Variants in CA5A observed in about 807,000 individuals in gnomAD.
CA5A encodes the protein carbonic anhydrase 5A, mitochondrial.
CA5A carries 28 observed loss-of-function variants against 37.1 expected under a neutral mutation model. That is an observed-to-expected ratio of 0.75 (90% CI 0.56 to 1.03). The LOEUF is 1.03. CA5A is among the 50% of genes least tolerant of loss of function. CA5A has a pLI of 0.00. For synonymous variants in CA5A, 171 were observed against 158.4 expected (o/e 1.08, Z -0.60); for missense variants, 444 against 399.9 (o/e 1.11, Z -0.94).
At chr16:87,898,647 C>A (rs560201336) in intron 5 of CA5A, among the ~76,000 whole-genome samples, 236 of 152,088 alleles carry the variant, frequency 1.6e-3, no homozygotes, top group Non-Finnish European at 2.6e-3. Context: ...CACAGCTGGG[C>A]CTTAAACTCA....
At chr16:87,929,748 T>A (rs184577553) in intron 1 of CA5A, among the ~76,000 whole-genome samples, 7 of 151,444 alleles carry the variant, frequency 4.6e-5, no homozygotes, top group African/African-American at 1.7e-4. Flanking sequence ...GGCGGGCGCC[T>A]GTAGTCCCAG....
At chr16:87,891,563 T>C (rs1290595013) in intron 6 of CA5A, among the ~76,000 whole-genome samples, 1 of 152,032 alleles carries the variant, frequency 6.6e-6, no homozygotes, top group Non-Finnish European at 1.5e-5. Context: ...CGTGTGTCTG[T>C]GTGTGATAGA....
At chr16:87,920,759 C>T (rs1301971996) in intron 2 of CA5A, among the ~76,000 whole-genome samples, 2 of 152,120 alleles carry the variant, frequency 1.3e-5, no homozygotes, top group Admixed American at 6.5e-5. Context: ...GCTGGGATTA[C>T]AGGTGCTTGC....
At chr16:87,883,773 A>C (rs1344357344), downstream of CA5A, 3 of 151,238 alleles carry the variant, frequency 2.0e-5, no homozygotes, top group Non-Finnish European at 4.4e-5. Context: ...AGTAGCTGGG[A>C]TTACAGGTGC....
intron 5 of CA5A, among the ~76,000 whole-genome samples, chr16:87,894,198 A>G (rs8060662): frequency 0.23 from 34,108 of 151,084 alleles, 4,268 homozygotes; most frequent in African/African-American, 0.33. Context: ...GCATGATCTC[A>G]GCTCACGGTG....
chr16:87,935,861 G>A (rs527687312), intron 1 of CA5A, among the ~76,000 whole-genome samples: 6 of 151,316 alleles, frequency 4.0e-5, no homozygotes, highest in East Asian at 3.9e-4. Flanking sequence ...GGGCAAAAGA[G>A]CAAAACTTCA....
intron 3 of CA5A, among the ~76,000 whole-genome samples, chr16:87,903,746 A>G (rs1375240690): frequency 6.6e-6 from 1 of 152,218 alleles, no homozygotes; most frequent in Non-Finnish European, 1.5e-5. Flanking sequence ...TTCAAAAAAC[A>G]GAAAGAGTCC....
At chr16:87,889,317 G>C (rs1258458942) in intron 6 of CA5A, among the ~76,000 whole-genome samples, 1 of 152,050 alleles carries the variant, frequency 6.6e-6, no homozygotes, top group African/African-American at 2.4e-5. Flanking sequence ...GGCCCCCAAA[G>C]TGCTGGGATT....
chr16:87,892,548 AT>A lies in CA5A; in HGVS notation c.619-595del, dbSNP rs1237504094. Among the ~76,000 whole-genome samples, 14 of 136,866 alleles carry A rather than the reference AT, an allele frequency of 1.0e-4. No individual in the cohort carries two copies. In the East Asian group the frequency reaches 1.2e-3, roughly 12 times the overall value. The allele number at this position is 136,866 out of a possible 152,430, so 89.8% of individuals were successfully genotyped here. A position where few individuals can be genotyped will look rare whatever the true frequency, so the allele number is the denominator to read the frequency against. On this transcript the variant is annotated intron_variant, in intron 5 of 6. Transcript: ENST00000649794. ...AATAATAATAATAATAATAATAATA[AT>A]AATAATAAATTAATTAATAATAAAA...
intron 1 of CA5A, among the ~76,000 whole-genome samples, chr16:87,931,728 T>G (rs191421069): frequency 5.9e-5 from 9 of 152,268 alleles, no homozygotes; most frequent in African/African-American, 1.9e-4. Flanking sequence ...CAGAACTCGC[T>G]AAGTGCCGGA....
chr16:87,903,605 A>G (rs371925744), intron 3 of CA5A, among the ~76,000 whole-genome samples: 6 of 152,230 alleles, frequency 3.9e-5, no homozygotes, highest in African/African-American at 1.4e-4. Flanking sequence ...ATGACAATAG[A>G]TATCACTCCC....
chr16:87,919,019 G>A (rs2056194030), intron 2 of CA5A, among the ~76,000 whole-genome samples: 1 of 152,214 alleles, frequency 6.6e-6, no homozygotes, highest in African/African-American at 2.4e-5. Context: ...GCCAAAGGAG[G>A]GATGACCCAG....
At chr16:87,892,376 G>A (rs1352389777) in intron 5 of CA5A, 1 of 152,660 alleles carries the variant, frequency 6.6e-6, no homozygotes, top group Non-Finnish European at 1.5e-5. Flanking sequence ...CAGATGTGGT[G>A]GTGGGCGCCT....
chr16:87,907,918 C>G (rs927129377), intron 2 of CA5A, among the ~76,000 whole-genome samples: 1 of 152,206 alleles, frequency 6.6e-6, no homozygotes, highest in Non-Finnish European at 1.5e-5. Flanking sequence ...AAGAGTGAAA[C>G]TCCGTCTCAA....
At chr16:87,918,616 G>A (rs10451143) in intron 2 of CA5A, among the ~76,000 whole-genome samples, 3 of 152,300 alleles carry the variant, frequency 2.0e-5, no homozygotes, top group African/African-American at 7.2e-5. Flanking sequence ...CCACGGCATG[G>A]CCCAGGCCTC....
chr16:87,931,640 C>T (rs536923956), intron 1 of CA5A, among the ~76,000 whole-genome samples: 1 of 152,348 alleles, frequency 6.6e-6, no homozygotes, highest in South Asian at 2.1e-4. Flanking sequence ...CCTGGAGTGC[C>T]TTCCCACGCA....
chr16:87,907,816 C>G (rs758931561), intron 2 of CA5A, among the ~76,000 whole-genome samples: 1 of 152,182 alleles, frequency 6.6e-6, no homozygotes, highest in Admixed American at 6.5e-5. Flanking sequence ...ATCCCAGCTA[C>G]TTGGGAGGCT....
chr16:87,898,908 T>C (rs1037062284), intron 5 of CA5A, among the ~76,000 whole-genome samples: 1 of 152,030 alleles, frequency 6.6e-6, no homozygotes, highest in South Asian at 2.1e-4. Context: ...CTAATTTTTG[T>C]ATTTTTAGTA....
chr16:87,920,137 G>C (rs1296704614), intron 2 of CA5A, among the ~76,000 whole-genome samples: 4 of 152,284 alleles, frequency 2.6e-5, no homozygotes, highest in South Asian at 4.1e-4. Flanking sequence ...AGTCTGCACA[G>C]GTGGAGTTAA....
Sources: gnomAD v4.1 joint callset for allele counts (sites outside exome capture counted in the v4.1 genomes callset) on GRCh38, gnomAD v4.1.1 for gene constraint, MANE v1.5 for transcripts, NCBI Gene and HGNC (gene_info 2026-07-23, HGNC 2026-07-21) for gene names.